Variants in BRINP1 observed in about 807,000 individuals in gnomAD.
BRINP1 encodes BMP/retinoic acid inducible neural specific 1, also known as BMP/retinoic acid-inducible neural-specific protein 1.
Under a neutral mutation model 72.9 loss-of-function variants are expected in BRINP1, and 17 were observed. The observed-to-expected ratio is 0.23, with a 90% confidence interval of 0.16 to 0.35. BRINP1 has a LOEUF of 0.35. BRINP1 is among the 10% of genes least tolerant of loss of function. BRINP1 has a pLI of 1.00. For missense variants in BRINP1, 850 were observed against 1,001.6 expected (o/e 0.85, Z 2.04); for synonymous variants, 418 against 378.5 (o/e 1.10, Z -1.21).
At chr9:119,347,312 T>G (rs966854340) in intron 1 of BRINP1, among the ~76,000 whole-genome samples, 1 of 152,124 alleles carries the variant, frequency 6.6e-6, no homozygotes, top group Non-Finnish European at 1.5e-5. Flanking sequence ...AGACTTGCCT[T>G]TGGCTCAAGC....
At chr9:119,175,265 A>G (rs541586122) in intron 7 of BRINP1, among the ~76,000 whole-genome samples, 2 of 151,852 alleles carry the variant, frequency 1.3e-5, no homozygotes, top group African/African-American at 4.8e-5. Flanking sequence ...ACTAACAAAC[A>G]TAAGAACAGA....
chr9:119,273,224 G>A (rs1830624763), intron 2 of BRINP1, among the ~76,000 whole-genome samples: 1 of 152,124 alleles, frequency 6.6e-6, no homozygotes, highest in African/African-American at 2.4e-5. Flanking sequence ...TTGAATTTGG[G>A]CAAGCTGTTT....
chr9:119,174,667 C>T (rs1006623539), intron 7 of BRINP1, among the ~76,000 whole-genome samples: 2 of 150,040 alleles, frequency 1.3e-5, no homozygotes, highest in East Asian at 2.0e-4. Context: ...CACATGCACA[C>T]GTATGTTTAT....
intron 1 of BRINP1, among the ~76,000 whole-genome samples, chr9:119,354,677 T>A (rs545218173): frequency 2.0e-5 from 3 of 149,466 alleles, no homozygotes; most frequent in Non-Finnish European, 4.4e-5. Flanking sequence ...CTGGGCAACA[T>A]AGCAAGAACC....
intron 2 of BRINP1, among the ~76,000 whole-genome samples, chr9:119,283,491 T>C (rs485492): frequency 0.19 from 29,227 of 152,176 alleles, 3,457 homozygotes; most frequent in South Asian, 0.3. Flanking sequence ...TTTAAAGTGG[T>C]GGGAGGGGGA....
Position 119,369,007 on chromosome 9 carries a change from G to A in BRINP1, c.-51+49C>T, listed in dbSNP as rs911629914. 8 of 391,290 alleles carry A rather than the reference G, an allele frequency of 2.0e-5. No homozygotes were observed. In the East Asian group the frequency reaches 2.2e-4, roughly 11 times the overall value. 24.2% of individuals were successfully genotyped at this position (391,290 alleles called of 1,614,324 possible). On this transcript the variant is annotated intron_variant, in intron 1 of 7. Coordinates refer to ENST00000265922, the MANE Select transcript of BRINP1 (RefSeq NM_014618.3). ...ACGCCCCGAATGCGGCCCGGGGCCG[G>A]GTCCAAGGGCAGCGGGGCTGCGGGG... is the stretch of plus-strand genomic sequence containing the variant.
intron 5 of BRINP1, among the ~76,000 whole-genome samples, chr9:119,231,656 C>T: frequency 6.6e-6 from 1 of 152,170 alleles, no homozygotes; most frequent in African/African-American, 2.4e-5. Context: ...GTTCTCAGTC[C>T]TCACTTTAAT....
chr9:119,316,975 C>T (rs1383157015), intron 1 of BRINP1, among the ~76,000 whole-genome samples: 1 of 149,230 alleles, frequency 6.7e-6, no homozygotes, highest in Non-Finnish European at 1.5e-5. Context: ...CCTGTAGTCC[C>T]AGCTACTTGG....
chr9:119,281,197 C>T (rs1830707359), intron 2 of BRINP1, among the ~76,000 whole-genome samples: 2 of 152,172 alleles, frequency 1.3e-5, no homozygotes, highest in Admixed American at 6.5e-5. Flanking sequence ...TTGCTCACTG[C>T]CTTTCATGCC....
intron 7 of BRINP1, among the ~76,000 whole-genome samples, chr9:119,191,087 T>A (rs1158092239): frequency 6.6e-6 from 1 of 151,962 alleles, no homozygotes; most frequent in Non-Finnish European, 1.5e-5. Context: ...AGTTAAACAT[T>A]TTTTCTTGTT....
chr9:119,272,049 G>A (rs7026455), intron 2 of BRINP1, among the ~76,000 whole-genome samples: 100,142 of 146,688 alleles, frequency 0.68, 34,309 homozygotes, highest in East Asian at 0.91. Context: ...AAAAGTGGGA[G>A]AAATTATTAT....
intron 7 of BRINP1, among the ~76,000 whole-genome samples, chr9:119,196,933 T>C (rs757833966): frequency 6.6e-6 from 1 of 152,254 alleles, no homozygotes; most frequent in Non-Finnish European, 1.5e-5. Context: ...GTACAAAGCA[T>C]AATCATCCCT....
intron 2 of BRINP1, among the ~76,000 whole-genome samples, chr9:119,289,875 A>G (rs1830804681): frequency 6.6e-6 from 1 of 152,208 alleles, no homozygotes; most frequent in African/African-American, 2.4e-5. Context: ...TTCTCGGAAG[A>G]TGCACGACAG....
rs182059348 is a variant in BRINP1 at position 119,295,085 on chromosome 9, T to A, written c.218+18053A>T. Among the ~76,000 whole-genome samples, 453 of 152,200 alleles carry A rather than the reference T, an allele frequency of 3.0e-3. 3 individuals are homozygous for A. The highest frequency in any genetic ancestry group is 9.7e-3 in the African/African-American group (404 of 41,546). On this transcript the variant is annotated intron_variant, in intron 2 of 7. Coordinates refer to ENST00000265922, the MANE Select transcript of BRINP1 (RefSeq NM_014618.3). ...TTATACAGGAACAAAGACGAATGCA[T>A]CCCACTTCTCGATTTTAAAATATAC...
intron 5 of BRINP1, among the ~76,000 whole-genome samples, chr9:119,219,097 G>A (rs954281487): frequency 6.6e-6 from 1 of 152,046 alleles, no homozygotes; most frequent in Admixed American, 6.6e-5. Flanking sequence ...CATATCTGCT[G>A]GTACTTGATC....
intron 2 of BRINP1, among the ~76,000 whole-genome samples, chr9:119,290,238 C>G (rs1198685896): frequency 6.6e-6 from 1 of 152,166 alleles, no homozygotes; most frequent in Non-Finnish European, 1.5e-5. Context: ...CTCCCCAACC[C>G]TAAGGCAATA....
chr9:119,302,487 T>G (rs916984116), intron 2 of BRINP1, among the ~76,000 whole-genome samples: 7 of 152,024 alleles, frequency 4.6e-5, no homozygotes, highest in Admixed American at 2.0e-4. Context: ...TTGGTATTTT[T>G]GGGGGGGCCT....
At chr9:119,293,000 T>C (rs1038698286) in intron 2 of BRINP1, among the ~76,000 whole-genome samples, 1 of 152,176 alleles carries the variant, frequency 6.6e-6, no homozygotes, top group Non-Finnish European at 1.5e-5. Context: ...GGCTACTATA[T>C]ATCGGGCACT....
At chr9:119,325,365 T>C (rs1831229371) in intron 1 of BRINP1, among the ~76,000 whole-genome samples, 1 of 152,158 alleles carries the variant, frequency 6.6e-6, no homozygotes, top group Admixed American at 6.5e-5. Flanking sequence ...TCCCAAATCA[T>C]GCCTGTGAGA....
Sources: gnomAD v4.1 joint callset for allele counts (sites outside exome capture counted in the v4.1 genomes callset) on GRCh38, gnomAD v4.1.1 for gene constraint, MANE v1.5 for transcripts, NCBI Gene and HGNC (gene_info 2026-07-23, HGNC 2026-07-21) for gene names.